NFRKB: variants seen among roughly 807,000 people sequenced by gnomAD.
The protein encoded by NFRKB is nuclear factor related to kappa-B-binding protein.
NFRKB carries 62 observed loss-of-function variants against 135.7 expected under a neutral mutation model. The ratio of observed to expected loss-of-function variants is 0.46; its 90% CI spans 0.37 to 0.56. The LOEUF (loss-of-function observed/expected upper bound fraction) is 0.56, where lower values mean the gene tolerates loss of function less well. Among genes scored for constraint, NFRKB ranks in the 20% least tolerant of loss-of-function variants. The pLI is 0.00. For missense variants in NFRKB, 1,545 were observed against 1,662.0 expected, an observed-to-expected ratio of 0.93 and a Z score of 1.22; for synonymous variants, 678 against 635.6, an observed-to-expected ratio of 1.07 and a Z score of -1.00.
chr11:129,876,358 T>G (rs1002753846), intron 17 of NFRKB, among the ~76,000 whole-genome samples: 5 of 152,200 alleles, frequency 3.3e-5, no homozygotes, highest in African/African-American at 1.2e-4. Context: ...AAAGCATAAC[T>G]CTGAGAAGGG....
At chr11:129,885,097 TGTAAG>T (rs1381998318) in intron 6 of NFRKB, among the ~76,000 whole-genome samples, 1 of 152,098 alleles carries the variant, frequency 6.6e-6, no homozygotes, top group Non-Finnish European at 1.5e-5. Flanking sequence ...ACTACTCTCC[TGTAAG>T]GGGAAAACAG....
Position 129,865,939 on chromosome 11 carries a change from G to C in NFRKB, c.3576C>G (p.Ser1192Arg), listed in dbSNP as rs909503672. 6.2e-7 allele frequency: 1 copy of C among 1,613,518 alleles called. No homozygotes were observed. The highest frequency in any genetic ancestry group is 1.3e-5 in the African/African-American group (1 of 74,882). The change falls in exon 25 of 27, where the codon AGC becomes AGG. Residue 1192 changes from serine to arginine, a missense_variant. Transcript: ENST00000682444. Reference sequence around the variant, plus strand: ...CCACGCTCTTGCCCTTCATTGGCTGGCTGATCACAGAGAGGGGAACTGTGA... The same window carrying C: ...CCACGCTCTTGCCCTTCATTGGCTGCCTGATCACAGAGAGGGGAACTGTGA... The part of the protein sequence containing the change: ...TRITVPLSVI[S>R]QPMKGKSVVT...
At chr11:129,869,466 G>GCTTT in intron 24 of NFRKB, 28 bp downstream of exon 24, 1 of 1,565,002 alleles carries the variant, frequency 6.4e-7, no homozygotes, top group Non-Finnish European at 8.6e-7. Context: ...TAAAAAAGAA[G>GCTTT]GCCTAAGCTT....
intron 2 of NFRKB, chr11:129,893,441 T>C (rs1949649850): frequency 6.6e-6 from 2 of 304,306 alleles, no homozygotes; most frequent in Admixed American, 8.0e-5. Flanking sequence ...ACGCCTGTAG[T>C]CCCAGCTACT....
chr11:129,885,312 A>G (rs1414380076), intron 6 of NFRKB, 123 bp downstream of exon 6: 20 of 1,143,990 alleles, frequency 1.7e-5, no homozygotes, highest in Non-Finnish European at 2.5e-5. Context: ...TATGCACCCC[A>G]GACCAGACAA....
intron 4 of NFRKB, 60 bp from the exon 5 acceptor site, chr11:129,886,504 C>G: frequency 2.7e-6 from 4 of 1,479,196 alleles, no homozygotes; most frequent in Non-Finnish European, 3.8e-6. Context: ...CATCAGTCAA[C>G]AAATATATTG....
intron 4 of NFRKB, chr11:129,888,211 T>G (rs1043931974): frequency 3.9e-6 from 2 of 514,444 alleles, no homozygotes; most frequent in Non-Finnish European, 3.4e-6. Context: ...GCAAAAAGTG[T>G]GTGTGTACCT....
intron 1 of NFRKB, among the ~76,000 whole-genome samples, chr11:129,895,152 T>C (rs1949716393): frequency 6.6e-6 from 1 of 152,140 alleles, no homozygotes; most frequent in Non-Finnish European, 1.5e-5. Flanking sequence ...TGGTCTAACT[T>C]TCCCCGCTGG....
intron 2 of NFRKB, chr11:129,893,923 TG>T: frequency 6.6e-6 from 1 of 152,386 alleles, no homozygotes; most frequent in South Asian, 2.1e-4. Flanking sequence ...CTTACTGATA[TG>T]ACTTTATTAG....
At chr11:129,877,674 C>T (rs757788107) in intron 15 of NFRKB, among the ~76,000 whole-genome samples, 6 of 152,062 alleles carry the variant, frequency 3.9e-5, no homozygotes, top group Non-Finnish European at 7.3e-5. Flanking sequence ...TAGGTCCGTT[C>T]TAAAGGCAAC....
At position 129,874,965 on chromosome 11, in the gene NFRKB, A is replaced by C. The variant is rs766889616; in HGVS notation, c.1855-49T>G. On this transcript the variant is annotated intron_variant, in intron 18 of 26. Transcript: ENST00000682444. The surrounding 1 kb of genome is among the most constrained non-coding windows in gnomAD (Gnocchi z 4.5). ...AAGAAACAAGTCAAGCTTAGATAAC[A>C]GAAGTTATTTGAACTCTAGGAAAAA... is the stretch of plus-strand genomic sequence containing the variant. The C allele has an allele frequency of 5.0e-6, 8 of 1,608,512 alleles. No individual in the cohort carries two copies. In the African/African-American group the frequency reaches 1.1e-4, roughly 22 times the overall value.
intron 1 of NFRKB, among the ~76,000 whole-genome samples, chr11:129,894,970 C>T (rs1733453): frequency 0.22 from 34,015 of 152,114 alleles, 4,683 homozygotes; most frequent in African/African-American, 0.39. Context: ...ATCTAGTCCA[C>T]TGACAACCTT....
At position 129,875,513 on chromosome 11, in the gene NFRKB, G is replaced by A. The variant is rs889645679; in HGVS notation, c.1748-50C>T. On this transcript the variant is annotated intron_variant, in intron 17 of 26. Coordinates refer to ENST00000682444, the MANE Select transcript of NFRKB (RefSeq NM_001143835.2). ...TCCACAAGTCAGGCAGGGTTCCTAC[G>A]GAGGTACAATCTCCTGTACCTGCAG... 31 of 1,452,346 alleles carry A rather than the reference G, an allele frequency of 2.1e-5. 1 individual carries two copies. Among genetic ancestry groups the A allele is most frequent in the East Asian group, 9.6e-5 (4 of 41,494 alleles). 90.0% of individuals were successfully genotyped at this position (1,452,346 alleles called of 1,614,324 possible). A position where few individuals can be genotyped will look rare whatever the true frequency, so the allele number is the denominator to read the frequency against.
intron 3 of NFRKB, among the ~76,000 whole-genome samples, chr11:129,889,693 T>C (rs1471931919): frequency 2.0e-5 from 2 of 98,242 alleles, no homozygotes; most frequent in Non-Finnish European, 5.0e-5. Context: ...ACATTTACAA[T>C]GTCAGAGAAT....
chr11:129,885,362 A>G, intron 6 of NFRKB, 73 bp downstream of exon 6: 1 of 1,505,966 alleles, frequency 6.6e-7, no homozygotes, highest in Non-Finnish European at 9.0e-7. Context: ...AATGGCTACC[A>G]CTGGCTCCAA....
chr11:129,890,347 G>A (rs1949500678), intron 3 of NFRKB, among the ~76,000 whole-genome samples: 1 of 152,104 alleles, frequency 6.6e-6, no homozygotes, highest in Admixed American at 6.6e-5. Context: ...CTGGCATAGA[G>A]GCGCCTAATA....
chr11:129,883,420 C>T (rs766048282), intron 8 of NFRKB, among the ~76,000 whole-genome samples: 1 of 152,220 alleles, frequency 6.6e-6, no homozygotes, highest in African/African-American at 2.4e-5. Context: ...TCCAATCTTT[C>T]TACCGTACAG....
intron 17 of NFRKB, among the ~76,000 whole-genome samples, 189 bp from the exon 18 acceptor site, chr11:129,875,652 C>CTTTTTTT (rs761583169): frequency 2.0e-5 from 2 of 101,806 alleles, no homozygotes; most frequent in African/African-American, 3.7e-5. Flanking sequence ...CTATACACTT[C>CTTTTTTT]TTTTTTTTTT....
At position 129,873,813 on chromosome 11, in the gene NFRKB, G is replaced by A; in HGVS notation, c.2482C>T (p.Pro828Ser). ...QQSGGPAQTL[P>S]QMPAGPQIRV... Reference sequence around the variant, plus strand: ...ATCTGCGGTCCTGCTGGCATCTGTGGCAATGTCTGTGCCGGCCCTCCCGAC... The same window carrying A: ...ATCTGCGGTCCTGCTGGCATCTGTGACAATGTCTGTGCCGGCCCTCCCGAC... The change falls in exon 22 of 27, where the codon CCA becomes TCA. Residue 828 changes from proline to serine, a missense_variant. Coordinates refer to ENST00000682444, the MANE Select transcript of NFRKB (RefSeq NM_001143835.2). 1 of 1,614,204 alleles carries A rather than the reference G, an allele frequency of 6.2e-7. No homozygotes were observed.
Sources: allele counts gnomAD v4.1 joint callset (sites outside exome capture counted in the v4.1 genomes callset), GRCh38; gene constraint gnomAD v4.1.1; non-coding constraint Gnocchi (gnomAD v3.1); transcripts MANE v1.5; gene names NCBI Gene and HGNC (gene_info 2026-07-23, HGNC 2026-07-21).